Variants in PDZD2 observed in about 807,000 individuals in gnomAD.
PDZD2 encodes the protein PDZ domain-containing protein 2.
Under a neutral mutation model 220.7 loss-of-function variants are expected in PDZD2, and 90 were observed. The observed-to-expected ratio is 0.41, with a 90% confidence interval of 0.34 to 0.49. The LOEUF (loss-of-function observed/expected upper bound fraction) is 0.49. Among genes scored for constraint, PDZD2 ranks in the 20% least tolerant of loss-of-function variants. PDZD2 has a pLI of 0.28. For missense variants in PDZD2, 3,174 were observed against 3,608.5 expected (o/e 0.88, Z 3.08); for synonymous variants, 1,375 against 1,450.5 (o/e 0.95, Z 1.18).
At chr5:31,705,858 T>C (rs1325081065) in intron 1 of PDZD2, among the ~76,000 whole-genome samples, 1 of 152,232 alleles carries the variant, frequency 6.6e-6, no homozygotes, top group East Asian at 1.9e-4. Context: ...AAGACCAGCC[T>C]GGCCAACATG....
chr5:31,645,064 G>T (rs1745084824), intron 1 of PDZD2, among the ~76,000 whole-genome samples: 1 of 152,156 alleles, frequency 6.6e-6, no homozygotes, highest in Admixed American at 6.5e-5. Flanking sequence ...CTAAGAAGCA[G>T]CCTGAAATGC....
intron 19 of PDZD2, among the ~76,000 whole-genome samples, chr5:32,080,679 T>C (rs542993955): frequency 2.7e-4 from 41 of 152,306 alleles, no homozygotes; most frequent in African/African-American, 9.1e-4. Context: ...TTGTCAATAC[T>C]GAGGTTTTCA....
At chr5:31,996,420 A>G (rs1407023682) in intron 4 of PDZD2, among the ~76,000 whole-genome samples, 1 of 152,110 alleles carries the variant, frequency 6.6e-6, no homozygotes, top group East Asian at 1.9e-4. Context: ...TTTACAAAAA[A>G]TAAAAATTAA....
In PDZD2 at chr5:31,808,743, G is replaced by A. The variant is rs548810158; in HGVS notation, c.476+9019G>A. Among the ~76,000 whole-genome samples, 27 of 152,314 alleles carry A rather than the reference G, an allele frequency of 1.8e-4. No individual in the cohort carries two copies. In the South Asian group the frequency reaches 5.4e-3, roughly 30 times the overall value. ...TGTAATGCCAGCACTTGGGGAGGCT[G>A]AGGCGGGTGGATCACTTGAGGTCAG... On this transcript the variant is annotated intron_variant, in intron 2 of 24. Coordinates refer to ENST00000438447, the MANE Select transcript of PDZD2 (RefSeq NM_178140.4).
At chr5:31,705,437 G>A (rs1747782605) in intron 1 of PDZD2, among the ~76,000 whole-genome samples, 1 of 152,146 alleles carries the variant, frequency 6.6e-6, no homozygotes, top group South Asian at 2.1e-4. Context: ...TAGAATTTGA[G>A]GTTGGTCTTA....
intron 2 of PDZD2, among the ~76,000 whole-genome samples, chr5:31,901,224 C>T (rs1377788098): frequency 1.3e-5 from 2 of 151,950 alleles, no homozygotes; most frequent in Non-Finnish European, 2.9e-5. Context: ...TTGAGACCAG[C>T]GTGAACAACA....
At chr5:31,941,986 AC>A (rs1426522743) in intron 2 of PDZD2, among the ~76,000 whole-genome samples, 1 of 152,124 alleles carries the variant, frequency 6.6e-6, no homozygotes, top group Non-Finnish European at 1.5e-5. Context: ...TCCAGAAACA[AC>A]CTCTGGGTCA....
At chr5:32,105,101 T>C (rs1744634454) in intron 24 of PDZD2, among the ~76,000 whole-genome samples, 1 of 151,954 alleles carries the variant, frequency 6.6e-6, no homozygotes, top group Admixed American at 6.6e-5. Context: ...GCCACAGCAC[T>C]CCAGCCTGGG....
At chr5:32,034,533 G>A (rs1456507876) in intron 6 of PDZD2, among the ~76,000 whole-genome samples, 15 of 151,766 alleles carry the variant, frequency 9.9e-5, no homozygotes, top group African/African-American at 3.4e-4. Context: ...GCTAATTTTT[G>A]TATTCTTTGT....
chr5:31,892,087 T>C (rs1741101139), intron 2 of PDZD2, among the ~76,000 whole-genome samples: 1 of 152,014 alleles, frequency 6.6e-6, no homozygotes, highest in Non-Finnish European at 1.5e-5. Context: ...ATTTTTTTTA[T>C]TTTTTGTAGA....
At chr5:31,936,377 A>ATC in intron 2 of PDZD2, 1 of 982,628 alleles carries the variant, frequency 1.0e-6, no homozygotes, top group African/African-American at 1.7e-5. Context: ...GGTGAAGAGA[A>ATC]TCACATTTTC....
intron 9 of PDZD2, among the ~76,000 whole-genome samples, chr5:32,053,038 T>A (rs1027496532): frequency 6.6e-6 from 1 of 152,242 alleles, no homozygotes; most frequent in African/African-American, 2.4e-5. Context: ...GTAACAGGTA[T>A]AAAGAAGGAC....
intron 2 of PDZD2, among the ~76,000 whole-genome samples, chr5:31,811,903 T>C (rs1166128871): frequency 6.6e-6 from 1 of 151,702 alleles, no homozygotes. Context: ...GGCAGGAAAA[T>C]TGCTTGAACC....
In PDZD2 at chr5:31,886,702, CTTT is replaced by C. The variant is rs34507635; in HGVS notation, c.476+86989_476+86991del. Among the ~76,000 whole-genome samples the C allele has an allele frequency of 6.9e-5, 9 of 129,872 alleles. No homozygotes were observed. The South Asian group carries it at 1.1e-3, about 15-fold the overall frequency. 85.2% of individuals were successfully genotyped at this position (129,872 alleles called of 152,430 possible). A position where few individuals can be genotyped will look rare whatever the true frequency, so the allele number is the denominator to read the frequency against. On this transcript the variant is annotated intron_variant, in intron 2 of 24. Transcript: ENST00000438447. ...GTAGATTCTGCACTTGTCTCTGTCT[CTTT>C]TTTTTTTTTTGAGACGGAGTCTTGC...
chr5:31,693,978 T>C (rs993462354), intron 1 of PDZD2, among the ~76,000 whole-genome samples: 1 of 152,228 alleles, frequency 6.6e-6, no homozygotes, highest in African/African-American at 2.4e-5. Context: ...CTTTTTGAAA[T>C]GGATCATCAT....
intron 20 of PDZD2, among the ~76,000 whole-genome samples, 196 bp downstream of exon 20, chr5:32,091,371 G>C (rs887618057): frequency 2.1e-5 from 3 of 141,896 alleles, no homozygotes; most frequent in Non-Finnish European, 4.5e-5. Flanking sequence ...TGCAACCTCT[G>C]CCTCCCGGGT....
In PDZD2 at chr5:31,801,511, G is replaced by A. The variant is rs368481046; in HGVS notation, c.476+1787G>A. On this transcript the variant is annotated intron_variant, in intron 2 of 24. Transcript: ENST00000438447. ...AAAGTGGTCCCTAAGAGCCCCTACC[G>A]TTTGCAGCTATCTGGTTGGAAAGAA... Among the ~76,000 whole-genome samples the A allele has an allele frequency of 1.4e-4, 21 of 152,222 alleles. No individual in the cohort carries two copies. In the East Asian group the frequency reaches 1.9e-3, roughly 14 times the overall value.
chr5:32,026,995 C>T (rs532196875), intron 6 of PDZD2, among the ~76,000 whole-genome samples: 8 of 152,318 alleles, frequency 5.3e-5, no homozygotes, highest in East Asian at 1.9e-4. Context: ...CTCTGCCTCC[C>T]GGGCTCAAGC....
chr5:31,897,422 TTG>T (rs1741666135), intron 2 of PDZD2, among the ~76,000 whole-genome samples: 1 of 152,182 alleles, frequency 6.6e-6, no homozygotes, highest in Admixed American at 6.5e-5. Context: ...CCTCAGAGTG[TTG>T]TACACACCTC....
Sources: allele counts gnomAD v4.1 joint callset (sites outside exome capture counted in the v4.1 genomes callset), GRCh38; gene constraint gnomAD v4.1.1; transcripts MANE v1.5; gene names NCBI Gene and HGNC (gene_info 2026-07-23, HGNC 2026-07-21).